The following ATXN7L1 variants were observed in gnomAD, a reference collection of about 807,000 sequenced individuals.
ATXN7L1 encodes ataxin-7-like protein 1.
Under a neutral mutation model 70.8 loss-of-function variants are expected in ATXN7L1, and 15 were observed. The ratio of observed to expected loss-of-function variants is 0.21; its 90% CI spans 0.14 to 0.33. The LOEUF (loss-of-function observed/expected upper bound fraction) is 0.33, where lower values mean the gene tolerates loss of function less well. Ranked by LOEUF, ATXN7L1 falls within the 10% of genes least tolerant of loss-of-function variation. The pLI is 1.00. For synonymous variants in ATXN7L1, 440 were observed against 445.1 expected, an observed-to-expected ratio of 0.99 and a Z score of 0.14; for missense variants, 975 against 1,097.1, an observed-to-expected ratio of 0.89 and a Z score of 1.57.
chr7:105,840,587 A>T (rs569880478), intron 2 of ATXN7L1, among the ~76,000 whole-genome samples: 1 of 152,124 alleles, frequency 6.6e-6, no homozygotes, highest in Non-Finnish European at 1.5e-5. Flanking sequence ...GCTCTGTTGT[A>T]TCTTCTCCAG....
chr7:105,721,534 C>A (rs1795183048), intron 3 of ATXN7L1, among the ~76,000 whole-genome samples: 1 of 152,188 alleles, frequency 6.6e-6, no homozygotes, highest in African/African-American at 2.4e-5. Context: ...ATGCTCACAG[C>A]CACGCCTGAG....
intron 2 of ATXN7L1, among the ~76,000 whole-genome samples, chr7:105,795,854 G>T (rs964005577): frequency 6.6e-6 from 1 of 152,224 alleles, no homozygotes; most frequent in Non-Finnish European, 1.5e-5. Flanking sequence ...TTTCAGGGTT[G>T]TGAAACTACC....
At chr7:105,654,329 A>G (rs1229228191) in intron 4 of ATXN7L1, among the ~76,000 whole-genome samples, 2 of 152,280 alleles carry the variant, frequency 1.3e-5, no homozygotes, top group Non-Finnish European at 2.9e-5. Flanking sequence ...CTGCACACCT[A>G]CCATGCATGA....
At chr7:105,730,695 G>A (rs570022679) in intron 3 of ATXN7L1, among the ~76,000 whole-genome samples, 4 of 151,562 alleles carry the variant, frequency 2.6e-5, no homozygotes, top group Admixed American at 6.6e-5. Context: ...TCACACCAGT[G>A]CACTCCAGCC....
chr7:105,735,806 G>A (rs1233539895), intron 3 of ATXN7L1, among the ~76,000 whole-genome samples: 2 of 152,102 alleles, frequency 1.3e-5, no homozygotes, highest in East Asian at 3.8e-4. Context: ...TCCTGCTATG[G>A]ATGGGAGGTG....
intron 2 of ATXN7L1, among the ~76,000 whole-genome samples, chr7:105,801,948 C>T (rs1201157316): frequency 4.6e-5 from 7 of 152,116 alleles, no homozygotes; most frequent in Admixed American, 2.0e-4. Flanking sequence ...AACCCAAACT[C>T]GACGGAATGT....
chr7:105,800,518 T>TC (rs1384346245), intron 2 of ATXN7L1, among the ~76,000 whole-genome samples: 1 of 152,222 alleles, frequency 6.6e-6, no homozygotes, highest in African/African-American at 2.4e-5. Flanking sequence ...CGGCTGTCTT[T>TC]CCCATTTGTA....
intron 3 of ATXN7L1, among the ~76,000 whole-genome samples, chr7:105,733,801 TCCACCCAA>T (rs201691918): frequency 6.0e-4 from 69 of 114,658 alleles, no homozygotes; most frequent in Admixed American, 1.0e-3. Context: ...CTTCCATCCA[TCCACCCAA>T]CCACCCATCC....
At chr7:105,789,955 G>C (rs1334652316) in intron 2 of ATXN7L1, among the ~76,000 whole-genome samples, 1 of 152,096 alleles carries the variant, frequency 6.6e-6, no homozygotes, top group Non-Finnish European at 1.5e-5. Context: ...AAATACCACA[G>C]AACATTATCC....
chr7:105,757,343 G>C (rs2116401681), intron 3 of ATXN7L1, among the ~76,000 whole-genome samples: 1 of 152,196 alleles, frequency 6.6e-6, no homozygotes, highest in South Asian at 2.1e-4. Context: ...TATCTTCCTT[G>C]GGCTCAGGAG....
At chr7:105,726,108 G>A (rs1795791364) in intron 3 of ATXN7L1, among the ~76,000 whole-genome samples, 1 of 151,968 alleles carries the variant, frequency 6.6e-6, no homozygotes, top group Non-Finnish European at 1.5e-5. Context: ...TGCCACTTTG[G>A]CCAGGCTGGT....
chr7:105,817,614 G>A (rs548355601), intron 2 of ATXN7L1, among the ~76,000 whole-genome samples: 1 of 152,206 alleles, frequency 6.6e-6, no homozygotes, highest in Admixed American at 6.5e-5. Context: ...AGCAAATGGA[G>A]CAAAATGTTA....
At chr7:105,754,486 C>T (rs924525169) in intron 3 of ATXN7L1, among the ~76,000 whole-genome samples, 2 of 151,920 alleles carry the variant, frequency 1.3e-5, no homozygotes, top group Non-Finnish European at 2.9e-5. Context: ...TGGTCTACAT[C>T]GTGCAGCATT....
intron 3 of ATXN7L1, among the ~76,000 whole-genome samples, chr7:105,717,735 A>G (rs1794736577): frequency 6.6e-6 from 1 of 152,146 alleles, no homozygotes; most frequent in African/African-American, 2.4e-5. Flanking sequence ...TAATTTCTAA[A>G]CACTTGTCAT....
At chr7:105,643,942 T>C (rs561263225) in intron 4 of ATXN7L1, among the ~76,000 whole-genome samples, 3 of 152,314 alleles carry the variant, frequency 2.0e-5, no homozygotes, top group African/African-American at 7.2e-5. Context: ...TCTGGGGGGC[T>C]GTGGAGAACT....
intron 3 of ATXN7L1, among the ~76,000 whole-genome samples, chr7:105,676,793 T>C (rs771771221): frequency 2.9e-4 from 44 of 152,090 alleles, no homozygotes; most frequent in Middle Eastern, 3.4e-3. Context: ...TGAACCGAGA[T>C]TGCGACACTG....
At chr7:105,791,427 C>T (rs1307400353) in intron 2 of ATXN7L1, among the ~76,000 whole-genome samples, 9 of 152,218 alleles carry the variant, frequency 5.9e-5, no homozygotes, top group South Asian at 2.1e-4. Context: ...GACAAGAGCC[C>T]GAACCTGGGC....
At chr7:105,829,338 G>A (rs1811287808) in intron 2 of ATXN7L1, among the ~76,000 whole-genome samples, 1 of 152,220 alleles carries the variant, frequency 6.6e-6, no homozygotes, top group African/African-American at 2.4e-5. Context: ...AGCTACGCGG[G>A]AGGCTGAGGC....
At chr7:105,756,516 G>C (rs1470393768) in intron 3 of ATXN7L1, among the ~76,000 whole-genome samples, 2 of 152,186 alleles carry the variant, frequency 1.3e-5, no homozygotes, top group East Asian at 3.9e-4. Flanking sequence ...TTGTACTCTA[G>C]GGTCCAGGGT....
Sources: allele counts gnomAD v4.1 joint callset (sites outside exome capture counted in the v4.1 genomes callset), GRCh38; gene constraint gnomAD v4.1.1; transcripts MANE v1.5; gene names NCBI Gene and HGNC (gene_info 2026-07-23, HGNC 2026-07-21).